CCDC178: variants seen among roughly 807,000 people sequenced by gnomAD.
CCDC178 encodes the protein coiled-coil domain containing 178.
In CCDC178, 126 loss-of-function variants were observed where a neutral mutation model predicts 117.4. The observed-to-expected ratio is 1.07, with a 90% CI of 0.93 to 1.24. The LOEUF is 1.24. Ranked by LOEUF, CCDC178 falls within the 50% of genes most tolerant of loss-of-function variation. CCDC178 has a pLI of 0.00. For missense variants in CCDC178, 1,030 were observed against 986.9 expected (o/e 1.04, Z -0.59); for synonymous variants, 283 against 313.4 (o/e 0.90, Z 1.02).
rs111765550 is a variant in CCDC178, at chr18:32,938,315, TAG to T, written c.2524-226_2524-225del. 1.9e-3 allele frequency: 902 copies of T among 463,702 alleles called. 3 individuals carry two copies. The highest frequency in any genetic ancestry group is 0.015 in the African/African-American group (735 of 50,378). 28.7% of individuals were successfully genotyped at this position (463,702 alleles called of 1,614,324 possible). On this transcript the variant is annotated intron_variant, in intron 22 of 22. Coordinates refer to ENST00000383096, the MANE Select transcript of CCDC178 (RefSeq NM_001105528.4). ...AATTAAAGTCCAACTAACTTTAAGG[TAG>T]AGAGTGAATGAGACAATTAAATTAT...
At chr18:33,107,917 T>G (rs183418972) in intron 20 of CCDC178, among the ~76,000 whole-genome samples, 9 of 151,854 alleles carry the variant, frequency 5.9e-5, no homozygotes, top group Admixed American at 3.3e-4. Flanking sequence ...GAAGAAACGT[T>G]CTTTTTGTAC....
At chr18:33,219,796 G>A (rs1305158339) in intron 18 of CCDC178, among the ~76,000 whole-genome samples, 1 of 151,838 alleles carries the variant, frequency 6.6e-6, no homozygotes, top group African/African-American at 2.4e-5. Context: ...GTGGAGGGAG[G>A]GATAGCATTA....
chr18:33,208,873 G>A (rs1265125202), intron 20 of CCDC178, among the ~76,000 whole-genome samples: 2 of 151,964 alleles, frequency 1.3e-5, no homozygotes, highest in Admixed American at 1.3e-4. Flanking sequence ...TACAAGGAAT[G>A]GGAGATTGTC....
Position 33,145,245 on chromosome 18 carries a change from G to A in CCDC178, c.2239-52335C>T, listed in dbSNP as rs1434568436. Among the ~76,000 whole-genome samples, 3 of 152,034 alleles carry A rather than the reference G, an allele frequency of 2.0e-5. No homozygotes were observed. In the South Asian group the frequency reaches 6.2e-4, roughly 32 times the overall value. On this transcript the variant is annotated intron_variant, in intron 20 of 22. Transcript: ENST00000383096. ...TTACCAATCAAAAAATATTTATCAC[G>A]ATTCCATTTATAAACCTTCTTTTCA... is the stretch of plus-strand genomic sequence containing the variant.
Position 33,150,430 on chromosome 18 carries a change from A to G in CCDC178, c.2239-57520T>C, listed in dbSNP as rs187362712. Among the ~76,000 whole-genome samples, 4 of 152,316 alleles carry G rather than the reference A, an allele frequency of 2.6e-5. No individual in the cohort carries two copies. The East Asian group carries it at 7.7e-4, about 29-fold the overall frequency. ...AAGCTTCTGCACAGTAAAATACATAATCAACAGAATAAACAGACAATCTTG... is the reference window on the plus strand; with the variant it reads ...AAGCTTCTGCACAGTAAAATACATAGTCAACAGAATAAACAGACAATCTTG... On this transcript the variant is annotated intron_variant, in intron 20 of 22. Coordinates refer to ENST00000383096, the MANE Select transcript of CCDC178 (RefSeq NM_001105528.4).
At chr18:33,162,758 T>C (rs1160098108) in intron 20 of CCDC178, among the ~76,000 whole-genome samples, 4 of 152,204 alleles carry the variant, frequency 2.6e-5, no homozygotes, top group African/African-American at 9.6e-5. Flanking sequence ...GCAAAAGACA[T>C]GATGCCATTC....
At chr18:33,189,617 T>G (rs1490216339) in intron 20 of CCDC178, among the ~76,000 whole-genome samples, 3 of 152,168 alleles carry the variant, frequency 2.0e-5, no homozygotes, top group African/African-American at 7.2e-5. Context: ...GGCTAAGCAA[T>G]TGGCATACTT....
chr18:33,359,537 C>G (rs1163182898), intron 6 of CCDC178, among the ~76,000 whole-genome samples: 3 of 151,454 alleles, frequency 2.0e-5, no homozygotes, highest in African/African-American at 7.3e-5. Flanking sequence ...TTCATAACTG[C>G]CTATCTGAAA....
chr18:33,031,404 C>T (rs150326616), intron 21 of CCDC178, among the ~76,000 whole-genome samples: 1 of 152,044 alleles, frequency 6.6e-6, no homozygotes, highest in Non-Finnish European at 1.5e-5. Context: ...ATACCCTCCA[C>T]GCAGCTGCTA....
At chr18:33,126,997 A>ATAAATAT (rs1555647859) in intron 20 of CCDC178, among the ~76,000 whole-genome samples, 1 of 141,186 alleles carries the variant, frequency 7.1e-6, no homozygotes, top group African/African-American at 2.7e-5. Flanking sequence ...AAAAAAAAAA[A>ATAAATAT]ATATATATAT....
chr18:33,064,351 TA>T (rs1567965581), intron 21 of CCDC178, among the ~76,000 whole-genome samples: 1 of 152,020 alleles, frequency 6.6e-6, no homozygotes, highest in Non-Finnish European at 1.5e-5. Flanking sequence ...ACAGATATCG[TA>T]AAAAGAACCA....
At chr18:33,231,510 A>G (rs1467790316) in intron 15 of CCDC178, among the ~76,000 whole-genome samples, 3 of 152,196 alleles carry the variant, frequency 2.0e-5, no homozygotes, top group Non-Finnish European at 4.4e-5. Context: ...TCTTAGCTCC[A>G]AATCTACTGT....
chr18:33,081,571 T>C (rs1281159689), intron 21 of CCDC178, among the ~76,000 whole-genome samples: 5 of 152,194 alleles, frequency 3.3e-5, no homozygotes, highest in Non-Finnish European at 5.9e-5. Flanking sequence ...CAGATAACAT[T>C]TTTGCTCTTT....
At chr18:33,088,812 T>C (rs1392538196) in intron 21 of CCDC178, among the ~76,000 whole-genome samples, 1 of 152,134 alleles carries the variant, frequency 6.6e-6, no homozygotes, top group East Asian at 1.9e-4. Context: ...AATCATAGCA[T>C]ATGCTTATCT....
In CCDC178 at chr18:33,178,260, C is replaced by A. The variant is rs567733809; in HGVS notation, c.2238+33636G>T. Among the ~76,000 whole-genome samples the A allele has an allele frequency of 2.6e-5, 4 of 152,280 alleles. No individual in the cohort carries two copies. In the East Asian group the frequency reaches 5.8e-4, roughly 22 times the overall value. On this transcript the variant is annotated intron_variant, in intron 20 of 22. Coordinates refer to ENST00000383096, the MANE Select transcript of CCDC178 (RefSeq NM_001105528.4). ...AAGCTAGAAACCTGAGACTTATCCT[C>A]AACTCCTCTGTCCCACCAGTTCCCA...
intron 6 of CCDC178, among the ~76,000 whole-genome samples, chr18:33,357,041 A>T (rs75343005): frequency 0.068 from 10,350 of 151,812 alleles, 1,132 homozygotes; most frequent in African/African-American, 0.24. Context: ...AATTCAGGCA[A>T]GTCATATCTT....
At chr18:32,940,843 A>G (rs2144585545) in intron 22 of CCDC178, among the ~76,000 whole-genome samples, 1 of 152,250 alleles carries the variant, frequency 6.6e-6, no homozygotes, top group South Asian at 2.1e-4. Context: ...ATGAAATCAG[A>G]ATCAACCTCC....
chr18:33,388,444 A>G (rs1410987307), intron 5 of CCDC178, among the ~76,000 whole-genome samples: 2 of 151,942 alleles, frequency 1.3e-5, no homozygotes, highest in African/African-American at 4.8e-5. Context: ...TCACAATAGC[A>G]AAGACATGGA....
chr18:33,212,079 C>G (rs2059115378), intron 19 of CCDC178, 24 bp from the exon 20 acceptor site: 2 of 1,509,662 alleles, frequency 1.3e-6, no homozygotes, highest in Non-Finnish European at 1.8e-6. Flanking sequence ...ATTCCATGTG[C>G]CACTAATCAA....
Sources: gnomAD v4.1 joint callset for allele counts (sites outside exome capture counted in the v4.1 genomes callset) on GRCh38, gnomAD v4.1.1 for gene constraint, MANE v1.5 for transcripts, NCBI Gene and HGNC (gene_info 2026-07-23, HGNC 2026-07-21) for gene names.